The following WRN variants were observed in gnomAD, a reference collection of about 807,000 sequenced individuals.
WRN encodes the protein bifunctional 3'-5' exonuclease/ATP-dependent helicase WRN.
A neutral mutation model predicts 180.7 loss-of-function variants in WRN; 149 were observed. The observed-to-expected ratio is 0.82, with a 90% CI of 0.72 to 0.94. WRN has a LOEUF of 0.94. WRN is among the 40% of genes least tolerant of loss of function. WRN has a pLI of 0.00. For missense variants in WRN, 1,661 were observed against 1,700.1 expected (o/e 0.98, Z 0.40); for synonymous variants, 548 against 568.9 (o/e 0.96, Z 0.52).
chr8:31,054,185 C>T (rs534407018), intron 1 of WRN, among the ~76,000 whole-genome samples: 6 of 150,906 alleles, frequency 4.0e-5, no homozygotes, highest in East Asian at 1.9e-4. Context: ...TGCATTTTAA[C>T]GTTAATAATG....
At chr8:31,110,342 T>C (rs1801262713) in intron 18 of WRN, among the ~76,000 whole-genome samples, 1 of 152,180 alleles carries the variant, frequency 6.6e-6, no homozygotes, top group Non-Finnish European at 1.5e-5. Flanking sequence ...ATGAAATTAA[T>C]TTTGGGGTTG....
chr8:31,174,864 TTCTCTTTC>T lies in WRN; in HGVS notation c.*1764_*1771del, dbSNP rs1190933847. Among the ~76,000 whole-genome samples the T allele has an allele frequency of 9.1e-5, 10 of 109,666 alleles. No homozygotes were observed. Among genetic ancestry groups the T allele is most frequent in the African/African-American group, 3.1e-4 (10 of 31,952 alleles). 71.9% of individuals were successfully genotyped at this position (109,666 alleles called of 152,430 possible). On this transcript the variant is annotated 3_prime_UTR_variant, in exon 35 of 35. Coordinates refer to ENST00000298139, the MANE Select transcript of WRN (RefSeq NM_000553.6). ...CCCTCCCTCCCTCCTTTCTTTTTCT[TTCTCTTTC>T]TTTCTTTCTTTCTCTCTCTCTCTCT...
intron 6 of WRN, 28 bp downstream of exon 6, chr8:31,067,210 G>T (rs570330577): frequency 6.2e-7 from 1 of 1,611,660 alleles, no homozygotes; most frequent in South Asian, 1.1e-5. Context: ...TTTAGAAATT[G>T]TGATGTGTTT....
At chr8:31,122,868 T>TTC (rs1283205212) in intron 21 of WRN, among the ~76,000 whole-genome samples, 1 of 131,660 alleles carries the variant, frequency 7.6e-6, no homozygotes, top group East Asian at 2.1e-4. Context: ...TTGTTTTTTT[T>TTC]TTTTTTTTTT....
chr8:31,088,049 A>C, intron 12 of WRN, 129 bp downstream of exon 12: 1 of 1,494,686 alleles, frequency 6.7e-7, no homozygotes, highest in Admixed American at 2.1e-5. Flanking sequence ...GGATCCTTAT[A>C]AGCTTTTGTC....
chr8:31,040,231 A>T (rs1811598225), intron 1 of WRN, among the ~76,000 whole-genome samples: 2 of 152,214 alleles, frequency 1.3e-5, no homozygotes, highest in South Asian at 4.1e-4. Flanking sequence ...CTTTATATCT[A>T]TTGAGTGGAA....
chr8:31,046,573 A>G (rs911959386), intron 1 of WRN, among the ~76,000 whole-genome samples: 1 of 152,066 alleles, frequency 6.6e-6, no homozygotes, highest in Non-Finnish European at 1.5e-5. Flanking sequence ...TCATCTCTGC[A>G]TTTTTCCAAT....
Position 31,120,098 on chromosome 8 carries a change from T to C in WRN, c.2449-145T>C, listed in dbSNP as rs931184384. 5.4e-6 allele frequency: 5 copies of C among 918,808 alleles called. No individual in the cohort carries two copies. In the Admixed American group the frequency reaches 9.4e-5, roughly 17 times the overall value. The allele number at this position is 918,808 out of a possible 1,614,324, so 56.9% of individuals were successfully genotyped here. ...ATCTGTAAATCAGGCAGATAATCTGTAAATGATTGGTTGAAATCACATTGA... is the reference window on the plus strand; with the variant it reads ...ATCTGTAAATCAGGCAGATAATCTGCAAATGATTGGTTGAAATCACATTGA... On this transcript the variant is annotated intron_variant, in intron 20 of 34. Coordinates refer to ENST00000298139, the MANE Select transcript of WRN (RefSeq NM_000553.6).
intron 16 of WRN, among the ~76,000 whole-genome samples, chr8:31,092,300 C>G (rs563488763): frequency 2.6e-5 from 4 of 152,010 alleles, no homozygotes; most frequent in African/African-American, 9.6e-5. Flanking sequence ...AACTGAGGCT[C>G]AGAGACAAGT....
chr8:31,064,683 G>C (rs148919437), intron 4 of WRN, among the ~76,000 whole-genome samples: 2 of 152,280 alleles, frequency 1.3e-5, no homozygotes, highest in East Asian at 3.9e-4. Context: ...TAAATGACCA[G>C]GATATGTACT....
chr8:31,090,903 C>T lies in WRN; in HGVS notation c.1790C>T (p.Pro597Leu). The change falls in exon 15 of 35, where the codon CCC becomes CTC. Residue 597 changes from proline to leucine, a missense_variant. Transcript: ENST00000298139. ...GGCAAGATTGGCCTTGTTATCTCTCCCCTTATTTCTCTGATGGAAGACCAA... is the reference window on the plus strand; with the variant it reads ...GGCAAGATTGGCCTTGTTATCTCTCTCCTTATTTCTCTGATGGAAGACCAA... ...YVGKIGLVIS[P>L]LISLMEDQVL... 1.2e-6 allele frequency: 2 copies of T among 1,612,780 alleles called. No individual in the cohort carries two copies. The highest frequency in any genetic ancestry group is 1.7e-6 in the Non-Finnish European group (2 of 1,179,218).
chr8:31,131,002 A>AT (rs1802142422), intron 23 of WRN, among the ~76,000 whole-genome samples: 1 of 152,078 alleles, frequency 6.6e-6, no homozygotes, highest in East Asian at 1.9e-4. Flanking sequence ...ATCTAAACAT[A>AT]TTATTGGCCA....
chr8:31,137,218 A>G (rs1188303240), intron 24 of WRN, among the ~76,000 whole-genome samples: 1 of 152,220 alleles, frequency 6.6e-6, no homozygotes, highest in Non-Finnish European at 1.5e-5. Flanking sequence ...TTATTCAAAT[A>G]GTACACAGTT....
intron 17 of WRN, among the ~76,000 whole-genome samples, chr8:31,100,130 A>T (rs1448148854): frequency 6.6e-6 from 1 of 152,216 alleles, no homozygotes; most frequent in Non-Finnish European, 1.5e-5. Context: ...TACTGTTACT[A>T]CTGTGAAAAA....
intron 1 of WRN, among the ~76,000 whole-genome samples, chr8:31,044,110 C>T (rs1182224051): frequency 1.1e-4 from 17 of 151,732 alleles, no homozygotes; most frequent in Non-Finnish European, 1.8e-4. Context: ...GGCACAATCT[C>T]GGCTCACTGC....
At chr8:31,111,149 A>C (rs10954775) in intron 18 of WRN, among the ~76,000 whole-genome samples, 53,502 of 151,864 alleles carry the variant, frequency 0.35, 9,669 homozygotes, top group South Asian at 0.42. Flanking sequence ...CTATATATTT[A>C]AAATAGGAGG....
At chr8:31,070,135 T>A (rs913076688) in intron 7 of WRN, among the ~76,000 whole-genome samples, 1 of 151,672 alleles carries the variant, frequency 6.6e-6, no homozygotes, top group Non-Finnish European at 1.5e-5. Flanking sequence ...CAAAAATAAT[T>A]GTGGTTTTGG....
rs549241621 is a variant in WRN, at chr8:31,046,419, T to C, written c.-76-11953T>C. On this transcript the variant is annotated intron_variant, in intron 1 of 34. Coordinates refer to ENST00000298139, the MANE Select transcript of WRN (RefSeq NM_000553.6). ...ATAAAATGCTTAATATGAGGGAGGA[T>C]TAAGAAAGAGGATGGCTTTTGAACA... Among the ~76,000 whole-genome samples, 5 of 152,250 alleles carry C rather than the reference T, an allele frequency of 3.3e-5. No individual in the cohort carries two copies. The East Asian group carries it at 9.6e-4, about 29-fold the overall frequency.
chr8:31,111,492 A>T lies in WRN; in HGVS notation c.2089-123A>T, dbSNP rs932030124. The T allele has an allele frequency of 3.4e-6, 4 of 1,170,320 alleles. No individual in the cohort carries two copies. In the African/African-American group the frequency reaches 6.2e-5, roughly 18 times the overall value. 72.5% of individuals were successfully genotyped at this position (1,170,320 alleles called of 1,614,324 possible). ...TTTTTTCTTTGCAAAAAAATTTTACAGTTGTGTCTTTAACATTGTACCACA... is the reference window on the plus strand; with the variant it reads ...TTTTTTCTTTGCAAAAAAATTTTACTGTTGTGTCTTTAACATTGTACCACA... On this transcript the variant is annotated intron_variant, in intron 18 of 34. Transcript: ENST00000298139.
Sources: allele counts gnomAD v4.1 joint callset (sites outside exome capture counted in the v4.1 genomes callset), GRCh38; gene constraint gnomAD v4.1.1; transcripts MANE v1.5; gene names NCBI Gene and HGNC (gene_info 2026-07-23, HGNC 2026-07-21).